MYH10: variants seen among roughly 807,000 people sequenced by gnomAD.
MYH10 encodes the protein myosin-10.
A neutral mutation model predicts 257.8 loss-of-function variants in MYH10; 55 were observed. The ratio of observed to expected loss-of-function variants is 0.21; its 90% CI spans 0.17 to 0.27. MYH10 has a LOEUF of 0.27. Ranked by LOEUF, MYH10 falls within the 10% of genes least tolerant of loss-of-function variation. The probability of loss-of-function intolerance (pLI) is 1.00; values close to 1 mark genes in which losing one functional copy is unlikely to be tolerated. For missense variants in MYH10, 1,631 were observed against 2,500.6 expected, an observed-to-expected ratio of 0.65 and a Z score of 7.42; for synonymous variants, 854 against 921.7, an observed-to-expected ratio of 0.93 and a Z score of 1.33.
At chr17:8,548,279 G>A (rs372514008) in intron 11 of MYH10, 34 bp downstream of exon 11, 85 of 1,526,578 alleles carry the variant, frequency 5.6e-5, no homozygotes, top group Admixed American at 3.1e-4. Flanking sequence ...ACAAGCCATC[G>A]AAACAGAAAT....
At chr17:8,538,974 G>C (rs554128215) in intron 14 of MYH10, among the ~76,000 whole-genome samples, 2 of 152,266 alleles carry the variant, frequency 1.3e-5, no homozygotes, top group South Asian at 4.2e-4. Flanking sequence ...TTCATTCATG[G>C]ATCAATGGGT....
intron 17 of MYH10, among the ~76,000 whole-genome samples, chr17:8,521,779 G>A (rs536123468): frequency 4.6e-5 from 7 of 152,330 alleles, no homozygotes; most frequent in Admixed American, 4.6e-4. Flanking sequence ...GATATTCAGT[G>A]AGAAAAGTCA....
chr17:8,540,832 C>CA (rs2082272151), intron 14 of MYH10, among the ~76,000 whole-genome samples: 1 of 152,152 alleles, frequency 6.6e-6, no homozygotes, highest in Admixed American at 6.5e-5. Flanking sequence ...GGCAACAAAG[C>CA]AGTGATGAAA....
At position 8,521,923 on chromosome 17, in the gene MYH10, T is replaced by C. The variant is rs539682525; in HGVS notation, c.1958-638A>G. ...GGCAAGAACACAAAATAGGAAGGAC[T>C]CTTCTGAAAAGATAAATGACTAAGC... On this transcript the variant is annotated intron_variant, in intron 17 of 42. Transcript: ENST00000360416. Among the ~76,000 whole-genome samples the C allele has an allele frequency of 7.2e-5, 11 of 152,356 alleles. No individual in the cohort carries two copies. In the South Asian group the frequency reaches 2.3e-3, roughly 32 times the overall value.
intron 17 of MYH10, among the ~76,000 whole-genome samples, chr17:8,526,760 G>A (rs904512409): frequency 2.6e-5 from 4 of 152,030 alleles, no homozygotes; most frequent in Admixed American, 6.6e-5. Context: ...TAGGAGACGG[G>A]GCCATAAGAT....
intron 7 of MYH10, among the ~76,000 whole-genome samples, chr17:8,554,856 G>A (rs896763947): frequency 1.3e-5 from 2 of 152,236 alleles, no homozygotes; most frequent in Admixed American, 1.3e-4. Flanking sequence ...GGGAGGCAGA[G>A]GCCAGAGAGT....
At chr17:8,609,002 G>A (rs903168861) in intron 2 of MYH10, among the ~76,000 whole-genome samples, 1 of 152,110 alleles carries the variant, frequency 6.6e-6, no homozygotes, top group Admixed American at 6.5e-5. Context: ...TAGTAGAGAC[G>A]GGGTTTCACT....
intron 6 of MYH10, among the ~76,000 whole-genome samples, chr17:8,570,056 GAGA>G (rs1384633471): frequency 6.6e-6 from 1 of 152,204 alleles, no homozygotes; most frequent in Non-Finnish European, 1.5e-5. Context: ...ACGCTGAACA[GAGA>G]AGATCAACTT....
chr17:8,531,199 A>G (rs1368766010), intron 16 of MYH10, among the ~76,000 whole-genome samples: 2 of 152,210 alleles, frequency 1.3e-5, no homozygotes, highest in African/African-American at 4.8e-5. Context: ...CATATGACAG[A>G]TAACTACCAT....
chr17:8,475,696 A>G lies in MYH10; in HGVS notation c.*108T>C, dbSNP rs1306247347. ...GCTGGAGAGCCTTAAGACACAGTTG[A>G]TCTTTCAGGAAGGAATCCCGTAGCT... On this transcript the variant is annotated 3_prime_UTR_variant, in exon 43 of 43. Coordinates refer to ENST00000360416, the MANE Select transcript of MYH10 (RefSeq NM_001256012.3). The G allele has an allele frequency of 1.5e-6, 2 of 1,330,362 alleles. No individual in the cohort carries two copies. Among genetic ancestry groups the G allele is most frequent in the African/African-American group, 2.9e-5 (2 of 68,534 alleles). 82.4% of individuals were successfully genotyped at this position (1,330,362 alleles called of 1,614,324 possible).
chr17:8,558,760 A>G (rs955509842), intron 7 of MYH10, among the ~76,000 whole-genome samples: 27 of 152,240 alleles, frequency 1.8e-4, no homozygotes, highest in African/African-American at 6.3e-4. Context: ...TTGACAAGAG[A>G]AAGATCTTTT....
chr17:8,616,765 A>G (rs561955127), intron 2 of MYH10, among the ~76,000 whole-genome samples: 26 of 152,312 alleles, frequency 1.7e-4, no homozygotes, highest in African/African-American at 6.0e-4. Flanking sequence ...TGTAAATGAA[A>G]AACTGACAAG....
chr17:8,552,175 T>A lies in MYH10; in HGVS notation c.821-31A>T. The stretch of plus-strand genomic sequence containing the variant: ...CAAAGACAGTTAAGAATTAAATTAT[T>A]TAATATAATTCTTAAATAAATAAAG... On this transcript the variant is annotated intron_variant, in intron 8 of 42. Coordinates refer to ENST00000360416, the MANE Select transcript of MYH10 (RefSeq NM_001256012.3). This position sits in a 1 kb window ranked among gnomAD's most constrained non-coding sequence, Gnocchi z 4.8. 9 of 1,187,656 alleles carry A rather than the reference T, an allele frequency of 7.6e-6. No individual in the cohort carries two copies. Among genetic ancestry groups the A allele is most frequent in the Non-Finnish European group, 1.0e-5 (9 of 863,638 alleles). The allele number at this position is 1,187,656 out of a possible 1,614,324, so 73.6% of individuals were successfully genotyped here. A position where few individuals can be genotyped will look rare whatever the true frequency, so the allele number is the denominator to read the frequency against.
Position 8,552,194 on chromosome 17 carries a change from AAT to A in MYH10, c.821-52_821-51del. ...AATTATTTAATATAATTCTTAAATA[AAT>A]AAAGGCCCTCTTTCAGCGTCTGTAA... On this transcript the variant is annotated intron_variant, in intron 8 of 42. Transcript: ENST00000360416. This position sits in a 1 kb window ranked among gnomAD's most constrained non-coding sequence, Gnocchi z 4.8. 1 of 909,926 alleles carries A rather than the reference AAT, an allele frequency of 1.1e-6. No homozygotes were observed. Among genetic ancestry groups the A allele is most frequent in the Non-Finnish European group, 1.6e-6 (1 of 636,552 alleles). 56.4% of individuals were successfully genotyped at this position (909,926 alleles called of 1,614,324 possible). A position where few individuals can be genotyped will look rare whatever the true frequency, so the allele number is the denominator to read the frequency against.
At chr17:8,527,363 C>T (rs1263533463) in intron 17 of MYH10, among the ~76,000 whole-genome samples, 1 of 152,168 alleles carries the variant, frequency 6.6e-6, no homozygotes, top group Non-Finnish European at 1.5e-5. Context: ...CCCTTATTTC[C>T]ATCTACCTTC....
intron 7 of MYH10, among the ~76,000 whole-genome samples, chr17:8,556,763 T>C (rs1203700652): frequency 6.6e-6 from 1 of 152,222 alleles, no homozygotes; most frequent in Non-Finnish European, 1.5e-5. Flanking sequence ...TTTTATTGTA[T>C]GCCAACATTT....
intron 40 of MYH10, 93 bp downstream of exon 40, chr17:8,480,016 GT>G: frequency 8.1e-7 from 1 of 1,233,064 alleles, no homozygotes; most frequent in Non-Finnish European, 1.1e-6. Flanking sequence ...CTCTGCCCAC[GT>G]GGTGGGGAGC....
In MYH10 at chr17:8,538,716, T is replaced by C. The variant is rs1218451971; in HGVS notation, c.1606-2785A>G. Among the ~76,000 whole-genome samples, 4 of 151,976 alleles carry C rather than the reference T, an allele frequency of 2.6e-5. No homozygotes were observed. The East Asian group carries it at 5.8e-4, about 22-fold the overall frequency. On this transcript the variant is annotated intron_variant, in intron 14 of 42. Coordinates refer to ENST00000360416, the MANE Select transcript of MYH10 (RefSeq NM_001256012.3). ...CCTAGAAGTGCCAGTACAAAGAGGA[T>C]AGGAAGGAAAGAAGGAACGAGTTAC...
At chr17:8,514,367 C>A (rs1407811777) in intron 21 of MYH10, among the ~76,000 whole-genome samples, 1 of 152,206 alleles carries the variant, frequency 6.6e-6, no homozygotes, top group Non-Finnish European at 1.5e-5. Context: ...CTTCCCTCCA[C>A]TTTGCCGCAA....
Sources: allele counts gnomAD v4.1 joint callset (sites outside exome capture counted in the v4.1 genomes callset), GRCh38; gene constraint gnomAD v4.1.1; non-coding constraint Gnocchi (gnomAD v3.1); transcripts MANE v1.5; gene names NCBI Gene and HGNC (gene_info 2026-07-23, HGNC 2026-07-21).